Variants in TET2 observed in about 807,000 individuals in gnomAD.
TET2 encodes the protein tet methylcytosine dioxygenase 2.
Under a neutral mutation model 142.9 loss-of-function variants are expected in TET2, and 299 were observed. The observed-to-expected ratio is 2.09, with a 90% confidence interval of 1.90 to 2.30. The LOEUF (loss-of-function observed/expected upper bound fraction) is 2.30. Among genes scored for constraint, TET2 ranks in the 30% most tolerant of loss-of-function variants. TET2 has a pLI of 0.00. For synonymous variants in TET2, 819 were observed against 849.0 expected (o/e 0.96, Z 0.61); for missense variants, 2,418 against 2,378.0 (o/e 1.02, Z -0.35).
intron 2 of TET2, among the ~76,000 whole-genome samples, chr4:105,222,853 A>G (rs1430843193): frequency 6.6e-6 from 1 of 152,068 alleles, no homozygotes; most frequent in Non-Finnish European, 1.5e-5. Context: ...TTTTAGGTCT[A>G]ACGTTTAAGT....
chr4:105,178,706 A>G (rs1724948663), intron 1 of TET2, among the ~76,000 whole-genome samples: 1 of 152,180 alleles, frequency 6.6e-6, no homozygotes, highest in Non-Finnish European at 1.5e-5. Context: ...TTTACTGTGA[A>G]TCAATTTTAC....
intron 1 of TET2, among the ~76,000 whole-genome samples, chr4:105,161,643 C>G (rs1723865593): frequency 6.6e-6 from 1 of 152,184 alleles, no homozygotes; most frequent in African/African-American, 2.4e-5. Context: ...TGGATATAAG[C>G]TGCAAGTGCT....
chr4:105,240,853 TAGGGAAG>T, intron 3 of TET2: 1 of 1,079,548 alleles, frequency 9.3e-7, no homozygotes, highest in Non-Finnish European at 1.1e-6. Context: ...TTAAATGTTA[TAGGGAAG>T]TAGGAAGAAA....
chr4:105,159,305 T>C (rs1463054676), intron 1 of TET2, among the ~76,000 whole-genome samples: 2 of 148,898 alleles, frequency 1.3e-5, no homozygotes, highest in Non-Finnish European at 3.0e-5. Context: ...AAGGTTGGAG[T>C]GCAGTGGCGC....
In TET2 at chr4:105,210,115, T is replaced by C. The variant is rs567580966; in HGVS notation, c.-47+19610T>C. On this transcript the variant is annotated intron_variant, in intron 2 of 10. Coordinates refer to ENST00000380013, the MANE Select transcript of TET2 (RefSeq NM_001127208.3). ...AGATGACAGGTTTGGAGTGAAAGAA[T>C]GAATTCCATTTTGGATAAGTAGAGT... Among the ~76,000 whole-genome samples the C allele has an allele frequency of 2.0e-5, 3 of 152,270 alleles. No homozygotes were observed. In the East Asian group the frequency reaches 5.8e-4, roughly 29 times the overall value.
In TET2 at chr4:105,277,021, G is replaced by GT. The variant is rs907661628; in HGVS notation, c.*507dup. The GT allele has an allele frequency of 5.6e-5, 13 of 232,428 alleles. No homozygotes were observed. In the Admixed American group the frequency reaches 7.3e-4, roughly 13 times the overall value. The allele number at this position is 232,428 out of a possible 1,614,324, so 14.4% of individuals were successfully genotyped here. A position where few individuals can be genotyped will look rare whatever the true frequency, so the allele number is the denominator to read the frequency against. On this transcript the variant is annotated 3_prime_UTR_variant, in exon 11 of 11. Coordinates refer to ENST00000380013, the MANE Select transcript of TET2 (RefSeq NM_001127208.3). Reference sequence around the variant, plus strand: ...TGGAATTATGGCTTTTTGAAATGCAGTTTTTACTGTAATCTTAACTTTTAT... The same window carrying GT: ...TGGAATTATGGCTTTTTGAAATGCAGTTTTTTACTGTAATCTTAACTTTTAT...
Position 105,275,864 on chromosome 4 carries a change from AG to A in TET2, c.5356del (p.Glu1786ArgfsTer34). The A allele has an allele frequency of 6.4e-7, 1 of 1,551,988 alleles. No individual in the cohort carries two copies. The highest frequency in any genetic ancestry group is 8.7e-7 in the Non-Finnish European group (1 of 1,147,032). On this transcript the variant is annotated frameshift_variant, in exon 11 of 11. Transcript: ENST00000380013. LOFTEE classifies it low-confidence loss of function (END_TRUNC). ...CTTCATGCCCTGCATCTCCAAAACA[AG>A]GAGAATGACATGCTTTCCCACACAG... Reference protein sequence around the residue: ...SSLHALHLQNKENDMLSHTAN... With the variant: ...SSLHALHLQNXENDMLSHTAN...
chr4:105,223,082 T>G (rs1259533453), intron 2 of TET2, among the ~76,000 whole-genome samples: 2 of 152,140 alleles, frequency 1.3e-5, no homozygotes, highest in African/African-American at 4.8e-5. Context: ...TATATCTCTG[T>G]TTTGGTACCA....
At position 105,234,377 on chromosome 4, in the gene TET2, T is replaced by C; in HGVS notation, c.435T>C (p.Ser145=). ...ESSQPNVSDL[S]DKKESVSSVA... Reference sequence around the variant, plus strand: ...GTCAACCAAATGTCTCCGATTTGAGTGATAAGAAAGAATCTGTGAGTTCTG... The same window carrying C: ...GTCAACCAAATGTCTCCGATTTGAGCGATAAGAAAGAATCTGTGAGTTCTG... The change falls in exon 3 of 11, where the codon AGT becomes AGC. Residue 145 remains serine (S), a synonymous_variant. Transcript: ENST00000380013. 1 of 1,613,762 alleles carries C rather than the reference T, an allele frequency of 6.2e-7. No individual in the cohort carries two copies. Among genetic ancestry groups the C allele is most frequent in the Non-Finnish European group, 8.5e-7 (1 of 1,179,956 alleles).
Position 105,275,175 on chromosome 4 carries a change from G to T in TET2, c.4665G>T (p.Glu1555Asp). 6.4e-7 allele frequency: 1 copy of T among 1,552,198 alleles called. No individual in the cohort carries two copies. Among genetic ancestry groups the T allele is most frequent in the Non-Finnish European group, 8.7e-7 (1 of 1,147,092 alleles). Residue 1555 changes from glutamate to aspartate, a missense_variant, in exon 11 of 11, where the codon GAG becomes GAT. Glu to Asp is a conservative substitution (Grantham distance 45). Coordinates refer to ENST00000380013, the MANE Select transcript of TET2 (RefSeq NM_001127208.3). ...QQQQPHHPQTESVNSYSASGS... is the reference protein window; with the variant it reads ...QQQQPHHPQTDSVNSYSASGS... ...AGCAGCCACATCACCCTCAGACAGA[G>T]TCTGTCAACTCTTATTCTGCTTCTG...
At chr4:105,241,166 G>A (rs2110247992) in intron 3 of TET2, 173 bp from the exon 4 acceptor site, 3 of 1,275,382 alleles carry the variant, frequency 2.4e-6, no homozygotes, top group Non-Finnish European at 3.0e-6. Context: ...ACTTAATTAT[G>A]TGGCACATTT....
At chr4:105,211,574 G>A (rs1215307219) in intron 2 of TET2, among the ~76,000 whole-genome samples, 1 of 152,180 alleles carries the variant, frequency 6.6e-6, no homozygotes, top group African/African-American at 2.4e-5. Flanking sequence ...AGAACAAGGT[G>A]TCCCTAAAGT....
chr4:105,240,679 C>T lies in TET2; in HGVS notation c.3410-660C>T, dbSNP rs978192408. On this transcript the variant is annotated intron_variant, in intron 3 of 10. Coordinates refer to ENST00000380013, the MANE Select transcript of TET2 (RefSeq NM_001127208.3). ...TTGGTAAGTTGTAATCGTCTTCACT[C>T]TTCTCTTATCACCCACCCCTATCTT... 3.3e-5 allele frequency: 36 copies of T among 1,080,356 alleles called. No individual in the cohort carries two copies. In the African/African-American group the frequency reaches 5.7e-4, roughly 17 times the overall value. 66.9% of individuals were successfully genotyped at this position (1,080,356 alleles called of 1,614,324 possible). A position where few individuals can be genotyped will look rare whatever the true frequency, so the allele number is the denominator to read the frequency against.
Position 105,269,479 on chromosome 4 carries a change from A to G in TET2, c.4045-131A>G, listed in dbSNP as rs190944632. ...TATTTGCTCTATTTTGTGTCATTCC[A>G]TTTTGTTTCTGGATATATATTTAAG... On this transcript the variant is annotated intron_variant, in intron 8 of 10. Coordinates refer to ENST00000380013, the MANE Select transcript of TET2 (RefSeq NM_001127208.3). The G allele has an allele frequency of 2.3e-5, 22 of 967,154 alleles. No homozygotes were observed. In the Admixed American group the frequency reaches 4.2e-4, roughly 18 times the overall value. The allele number at this position is 967,154 out of a possible 1,614,324, so 59.9% of individuals were successfully genotyped here. A position where few individuals can be genotyped will look rare whatever the true frequency, so the allele number is the denominator to read the frequency against.
rs1388796786 is a variant in TET2 at position 105,269,216 on chromosome 4, AAATT to A, written c.4045-391_4045-388del. Among the ~76,000 whole-genome samples the A allele has an allele frequency of 2.0e-5, 3 of 152,358 alleles. No individual in the cohort carries two copies. The South Asian group carries it at 6.2e-4, about 32-fold the overall frequency. On this transcript the variant is annotated intron_variant, in intron 8 of 10. Transcript: ENST00000380013. The stretch of plus-strand genomic sequence containing the variant: ...ACCCTTAATTTCACACCATTTATAA[AAATT>A]AACTCCAAATAAATCCATTTATATG...
At chr4:105,154,926 G>A (rs912376755) in intron 1 of TET2, among the ~76,000 whole-genome samples, 1 of 152,090 alleles carries the variant, frequency 6.6e-6, no homozygotes, top group Admixed American at 6.5e-5. Context: ...TTGTGGGGCT[G>A]AGGCGGGAGG....
At position 105,235,162 on chromosome 4, in the gene TET2, C is replaced by A; in HGVS notation, c.1220C>A (p.Ser407Tyr). ...CCACCACCATCACAATTGCTTCTTTCTCCCCCTCCTCCTCTTCCACAGGTT... is the reference window on the plus strand; with the variant it reads ...CCACCACCATCACAATTGCTTCTTTATCCCCCTCCTCCTCTTCCACAGGTT... ...TPPPPSQLLL[S>Y]PPPPLPQVPQ... is the part of the protein sequence containing the mutation. The change falls in exon 3 of 11, where the codon TCT becomes TAT. Residue 407 changes from serine (S) to tyrosine (Y), a missense_variant. Ser to Tyr is a moderately radical substitution (Grantham distance 144, BLOSUM62 -2). Transcript: ENST00000380013. 1 of 1,613,704 alleles carries A rather than the reference C, an allele frequency of 6.2e-7. No individual in the cohort carries two copies. The highest frequency in any genetic ancestry group is 1.3e-5 in the African/African-American group (1 of 75,038).
At chr4:105,147,645 G>T (rs1291319032) in intron 1 of TET2, 1 of 152,158 alleles carries the variant, frequency 6.6e-6, no homozygotes. Context: ...AGTTTCTCTG[G>T]TTCCCCAAAC....
chr4:105,176,946 C>G (rs1724834898), intron 1 of TET2, among the ~76,000 whole-genome samples: 1 of 152,028 alleles, frequency 6.6e-6, no homozygotes, highest in Non-Finnish European at 1.5e-5. Flanking sequence ...AATAAAGAGC[C>G]CAAACAAACC....
Sources: gnomAD v4.1 joint callset for allele counts (sites outside exome capture counted in the v4.1 genomes callset) on GRCh38, gnomAD v4.1.1 for gene constraint, MANE v1.5 for transcripts, NCBI Gene and HGNC (gene_info 2026-07-23, HGNC 2026-07-21) for gene names.